The following PARD3 variants were observed in gnomAD, a reference collection of about 807,000 sequenced individuals.
PARD3 encodes the protein par-3 family cell polarity regulator.
Under a neutral mutation model 155.4 loss-of-function variants are expected in PARD3, and 75 were observed. The observed-to-expected ratio is 0.48, with a 90% CI of 0.40 to 0.58. The LOEUF is 0.58. PARD3 is among the 20% of genes least tolerant of loss of function. The probability of loss-of-function intolerance (pLI) is 0.00; values close to 1 mark genes in which losing one functional copy is unlikely to be tolerated. For missense variants in PARD3, 1,642 were observed against 1,721.7 expected (o/e 0.95, Z 0.82); for synonymous variants, 576 against 610.5 (o/e 0.94, Z 0.83).
chr10:34,620,450 TA>T (rs1328906604), intron 2 of PARD3, among the ~76,000 whole-genome samples: 1 of 152,198 alleles, frequency 6.6e-6, no homozygotes, highest in African/African-American at 2.4e-5. Flanking sequence ...CCTTAATACA[TA>T]AAAGAGCTGA....
chr10:34,806,066 T>C (rs573551960), intron 1 of PARD3, among the ~76,000 whole-genome samples: 1 of 151,946 alleles, frequency 6.6e-6, no homozygotes, highest in South Asian at 2.1e-4. Flanking sequence ...AGTCTCGCTG[T>C]GTCACCCAAG....
At chr10:34,732,054 G>A (rs11009901) in intron 1 of PARD3, among the ~76,000 whole-genome samples, 42,253 of 152,040 alleles carry the variant, frequency 0.28, 7,219 homozygotes, top group Non-Finnish European at 0.38. Flanking sequence ...TGACAGCAGG[G>A]TGTTTTCCCT....
intron 22 of PARD3, among the ~76,000 whole-genome samples, chr10:34,237,544 C>T (rs971960973): frequency 6.6e-6 from 1 of 152,054 alleles, no homozygotes; most frequent in Non-Finnish European, 1.5e-5. Context: ...GGGGGAAATA[C>T]TCATATGTAA....
intron 3 of PARD3, among the ~76,000 whole-genome samples, chr10:34,485,752 T>C (rs1232235887): frequency 1.3e-5 from 2 of 152,042 alleles, no homozygotes; most frequent in African/African-American, 4.8e-5. Context: ...CTTAAAAAGG[T>C]GTCAGACTCC....
At chr10:34,188,091 T>TA (rs1265093566) in intron 22 of PARD3, among the ~76,000 whole-genome samples, 6 of 152,208 alleles carry the variant, frequency 3.9e-5, no homozygotes, top group Non-Finnish European at 7.3e-5. Flanking sequence ...TCTTCTGAAC[T>TA]AAGAGCTGAG....
chr10:34,686,942 G>A (rs934107149), intron 2 of PARD3, among the ~76,000 whole-genome samples: 8 of 151,614 alleles, frequency 5.3e-5, no homozygotes, highest in Non-Finnish European at 7.4e-5. Flanking sequence ...CCAGCTACTC[G>A]GGAGGCTGAG....
intron 1 of PARD3, among the ~76,000 whole-genome samples, chr10:34,706,264 G>A (rs995729594): frequency 6.6e-6 from 1 of 152,168 alleles, no homozygotes; most frequent in Non-Finnish European, 1.5e-5. Context: ...TAAATAGCCG[G>A]CAAGAGGTCA....
intron 22 of PARD3, among the ~76,000 whole-genome samples, chr10:34,191,545 C>G (rs916894018): frequency 3.3e-5 from 5 of 150,112 alleles, no homozygotes; most frequent in African/African-American, 1.2e-4. Context: ...CTGATTAAAC[C>G]TAAGTAGACT....
At chr10:34,677,424 G>A (rs960040700) in intron 2 of PARD3, among the ~76,000 whole-genome samples, 1 of 151,108 alleles carries the variant, frequency 6.6e-6, no homozygotes, top group African/African-American at 2.4e-5. Context: ...AGACTACCAA[G>A]AGCTGTGATC....
At chr10:34,565,260 C>CTTTTTTTTTTT (rs59606413) in intron 2 of PARD3, among the ~76,000 whole-genome samples, 7 of 39,670 alleles carry the variant, frequency 1.8e-4, no homozygotes, top group African/African-American at 6.6e-4. Context: ...AGGAGCAAGG[C>CTTTTTTTTTTT]TTTTTTTTTT....
At chr10:34,345,992 A>G in intron 15 of PARD3, 1 of 984,980 alleles carries the variant, frequency 1.0e-6, no homozygotes. Flanking sequence ...AAATTATCTT[A>G]AGAAAATATC....
At chr10:34,145,208 TATATATATATA>T (rs1948416169) in intron 22 of PARD3, among the ~76,000 whole-genome samples, 3 of 68,150 alleles carry the variant, frequency 4.4e-5, no homozygotes, top group Non-Finnish European at 8.6e-5. Flanking sequence ...TATATATATA[TATATATATATA>T]TATTTTTTTT....
At chr10:34,448,721 C>T (rs2076891790) in intron 5 of PARD3, among the ~76,000 whole-genome samples, 1 of 151,888 alleles carries the variant, frequency 6.6e-6, no homozygotes. Context: ...TAAGAGAACA[C>T]TTGAGCCTAG....
At chr10:34,267,315 T>C (rs1193775891) in intron 22 of PARD3, among the ~76,000 whole-genome samples, 1 of 152,156 alleles carries the variant, frequency 6.6e-6, no homozygotes, top group African/African-American at 2.4e-5. Flanking sequence ...TCACTGATAA[T>C]AATTGTATTC....
intron 2 of PARD3, among the ~76,000 whole-genome samples, chr10:34,568,688 A>G (rs892246987): frequency 6.6e-5 from 10 of 152,214 alleles, no homozygotes; most frequent in African/African-American, 2.2e-4. Flanking sequence ...TTTCCAAGCT[A>G]AAGAACAGAG....
chr10:34,524,300 C>T (rs962939988), intron 2 of PARD3, among the ~76,000 whole-genome samples: 1 of 152,184 alleles, frequency 6.6e-6, no homozygotes, highest in Non-Finnish European at 1.5e-5. Flanking sequence ...ACCTGTCCGA[C>T]AAGAGCTAAT....
chr10:34,696,281 ATG>A, intron 2 of PARD3, 35 bp downstream of exon 2: 2 of 1,276,740 alleles, frequency 1.6e-6, no homozygotes. Flanking sequence ...AAAAAAAAAA[ATG>A]CATTCAGAAC....
chr10:34,545,863 A>G (rs2084003593), intron 2 of PARD3, among the ~76,000 whole-genome samples: 5 of 152,244 alleles, frequency 3.3e-5, no homozygotes, highest in African/African-American at 1.2e-4. Flanking sequence ...TGGCCTTTAT[A>G]ACCATTTTAA....
chr10:34,364,039 C>T (rs544728250), intron 12 of PARD3, among the ~76,000 whole-genome samples: 2 of 152,272 alleles, frequency 1.3e-5, no homozygotes, highest in South Asian at 4.2e-4. Context: ...ACCATCATGG[C>T]CCCCTTTTCC....
Sources: gnomAD v4.1 joint callset for allele counts (sites outside exome capture counted in the v4.1 genomes callset) on GRCh38, gnomAD v4.1.1 for gene constraint, MANE v1.5 for transcripts, NCBI Gene and HGNC (gene_info 2026-07-23, HGNC 2026-07-21) for gene names.